Variants in WWP2 observed in about 807,000 individuals in gnomAD.
The protein encoded by WWP2 is WW domain containing E3 ubiquitin protein ligase 2.
WWP2 carries 57 observed loss-of-function variants against 121.0 expected under a neutral mutation model. The ratio of observed to expected loss-of-function variants is 0.47; its 90% CI spans 0.38 to 0.59. The LOEUF is 0.59. Among genes scored for constraint, WWP2 ranks in the 20% least tolerant of loss-of-function variants. The pLI is 0.00. For synonymous variants in WWP2, 449 were observed against 441.3 expected (o/e 1.02, Z -0.22); for missense variants, 962 against 1,158.9 (o/e 0.83, Z 2.47).
chr16:69,810,396 T>C (rs1030959116), intron 4 of WWP2, among the ~76,000 whole-genome samples: 9 of 152,280 alleles, frequency 5.9e-5, no homozygotes, highest in African/African-American at 2.2e-4. Flanking sequence ...AGAACCCAGC[T>C]TTTGATGTTG....
Position 69,799,450 on chromosome 16 carries a change from C to A in WWP2, c.340+155C>A. 17 of 1,005,750 alleles carry A rather than the reference C, an allele frequency of 1.7e-5. No homozygotes were observed. Among genetic ancestry groups the A allele is most frequent in the Non-Finnish European group, 2.2e-5 (16 of 712,154 alleles). The allele number at this position is 1,005,750 out of a possible 1,614,324, so 62.3% of individuals were successfully genotyped here. ...TTTGGAGTTTTGGGAAGGCTGAGGGCTCCTCTCTGCCTCCACTACAGAGTT... is the reference window on the plus strand; with the variant it reads ...TTTGGAGTTTTGGGAAGGCTGAGGGATCCTCTCTGCCTCCACTACAGAGTT... On this transcript the variant is annotated intron_variant, in intron 4 of 23. Transcript: ENST00000359154. This position sits in a 1 kb window ranked among gnomAD's most constrained non-coding sequence, Gnocchi z 4.5.
intron 6 of WWP2, among the ~76,000 whole-genome samples, chr16:69,845,675 C>T (rs954026270): frequency 2.0e-5 from 3 of 152,084 alleles, no homozygotes; most frequent in Non-Finnish European, 4.4e-5. Flanking sequence ...CGTCCAAGCT[C>T]ATCCCGCAGA....
intron 9 of WWP2, among the ~76,000 whole-genome samples, chr16:69,913,040 T>A (rs2058424079): frequency 3.2e-5 from 3 of 92,330 alleles, no homozygotes; most frequent in Non-Finnish European, 4.2e-5. Context: ...TTTTTTTTTT[T>A]GAGACAGAAT....
chr16:69,816,449 C>G (rs1280112374), intron 4 of WWP2, among the ~76,000 whole-genome samples: 1 of 147,530 alleles, frequency 6.8e-6, no homozygotes, highest in Admixed American at 6.8e-5. Context: ...ATAACTATAT[C>G]TATATAATAT....
chr16:69,765,182 C>G (rs2038701081), intron 1 of WWP2, among the ~76,000 whole-genome samples: 1 of 151,626 alleles, frequency 6.6e-6, no homozygotes, highest in South Asian at 2.1e-4. Context: ...GCCTAGGTGA[C>G]AGAGTGAGAC....
At chr16:69,939,461 G>A (rs780081211) in intron 23 of WWP2, 48 bp downstream of exon 23, 107 of 1,599,324 alleles carry the variant, frequency 6.7e-5, no homozygotes, top group Admixed American at 1.2e-4. Flanking sequence ...CAGACCCGAT[G>A]AGCTCCTGGG....
At chr16:69,912,955 AATATATATAT>A (rs1567427338) in intron 9 of WWP2, among the ~76,000 whole-genome samples, 10 of 8,352 alleles carry the variant, frequency 1.2e-3, no homozygotes, top group Admixed American at 2.2e-3. Flanking sequence ...AAAAAAAAAA[AATATATATAT>A]ATATATATAT....
intron 10 of WWP2, 24 bp downstream of exon 10, chr16:69,917,907 G>A (rs200322203): frequency 1.3e-5 from 20 of 1,598,612 alleles, no homozygotes; most frequent in Middle Eastern, 1.8e-4. Context: ...CGCTTGGCCC[G>A]AGGTGGGGCC....
intron 1 of WWP2, among the ~76,000 whole-genome samples, chr16:69,774,461 T>G (rs1369576606): frequency 2.6e-5 from 4 of 152,174 alleles, no homozygotes; most frequent in Non-Finnish European, 5.9e-5. Context: ...TTTGCCCTAT[T>G]GTTCAGGCTG....
intron 10 of WWP2, among the ~76,000 whole-genome samples, chr16:69,920,843 C>G (rs2058551119): frequency 6.6e-6 from 1 of 151,930 alleles, no homozygotes; most frequent in African/African-American, 2.4e-5. Context: ...CTTAAAAGCC[C>G]CACTAGTTAG....
chr16:69,869,274 G>A (rs1021622022), intron 6 of WWP2, among the ~76,000 whole-genome samples: 1 of 151,780 alleles, frequency 6.6e-6, no homozygotes, highest in East Asian at 1.9e-4. Flanking sequence ...CAGTTCAGTC[G>A]TACTCTGTCT....
At chr16:69,860,467 T>G (rs1221516317) in intron 6 of WWP2, among the ~76,000 whole-genome samples, 1 of 152,076 alleles carries the variant, frequency 6.6e-6, no homozygotes, top group Non-Finnish European at 1.5e-5. Context: ...TATGAGAGAA[T>G]GAAAGGAAAT....
chr16:69,910,859 T>C (rs536208062), intron 9 of WWP2, among the ~76,000 whole-genome samples: 1 of 152,318 alleles, frequency 6.6e-6, no homozygotes, highest in Admixed American at 6.5e-5. Flanking sequence ...GGTGGGACAC[T>C]ACTAATCAAG....
At chr16:69,876,149 G>A (rs1405860267) in intron 7 of WWP2, among the ~76,000 whole-genome samples, 2 of 151,856 alleles carry the variant, frequency 1.3e-5, no homozygotes, top group African/African-American at 4.8e-5. Context: ...GTAGAGATGG[G>A]GTTTCATCAT....
At chr16:69,814,478 C>G (rs568358635) in intron 4 of WWP2, among the ~76,000 whole-genome samples, 2 of 152,302 alleles carry the variant, frequency 1.3e-5, no homozygotes, top group African/African-American at 4.8e-5. Flanking sequence ...TCCTTCACAT[C>G]TGTAATGCAC....
At chr16:69,775,631 A>T (rs1199625649) in intron 1 of WWP2, among the ~76,000 whole-genome samples, 2 of 152,160 alleles carry the variant, frequency 1.3e-5, no homozygotes, top group Admixed American at 6.5e-5. Context: ...GATTATTCTA[A>T]AATCTGTCCT....
chr16:69,787,326 A>G (rs1417291264), intron 2 of WWP2, among the ~76,000 whole-genome samples: 1 of 152,348 alleles, frequency 6.6e-6, no homozygotes, highest in East Asian at 1.9e-4. Flanking sequence ...GCAGTGGCTC[A>G]CGCCTGTAAT....
intron 4 of WWP2, among the ~76,000 whole-genome samples, chr16:69,834,431 C>T (rs2056841023): frequency 6.6e-6 from 1 of 152,148 alleles, no homozygotes. Flanking sequence ...CACATCCTCT[C>T]CCAGCTTAAC....
At chr16:69,801,873 T>G (rs1208565831) in intron 4 of WWP2, among the ~76,000 whole-genome samples, 1 of 152,140 alleles carries the variant, frequency 6.6e-6, no homozygotes, top group East Asian at 1.9e-4. Flanking sequence ...ATGAACATAT[T>G]ATTTTGCAAT....
Sources: allele counts gnomAD v4.1 joint callset (sites outside exome capture counted in the v4.1 genomes callset), GRCh38; gene constraint gnomAD v4.1.1; non-coding constraint Gnocchi (gnomAD v3.1); transcripts MANE v1.5; gene names NCBI Gene and HGNC (gene_info 2026-07-23, HGNC 2026-07-21).